The following DBT variants were observed in gnomAD, a reference collection of about 807,000 sequenced individuals.
DBT encodes the protein lipoamide acyltransferase component of branched-chain alpha-keto acid dehydrogenase complex, mitochondrial.
Under a neutral mutation model 51.3 loss-of-function variants are expected in DBT, and 40 were observed. The observed-to-expected ratio is 0.78, with a 90% CI of 0.61 to 1.02. DBT has a LOEUF of 1.02. DBT is among the 50% of genes least tolerant of loss of function. DBT has a pLI of 0.00. For missense variants in DBT, 510 were observed against 580.2 expected (o/e 0.88, Z 1.24); for synonymous variants, 181 against 190.4 (o/e 0.95, Z 0.41).
intron 10 of DBT, among the ~76,000 whole-genome samples, chr1:100,200,792 T>G (rs936965948): frequency 2.6e-5 from 4 of 151,870 alleles, no homozygotes; most frequent in Non-Finnish European, 5.9e-5. Context: ...CCCAGCAAAC[T>G]CCAGCAGACC....
intron 1 of DBT, among the ~76,000 whole-genome samples, chr1:100,246,839 T>C (rs1664568585): frequency 6.6e-6 from 1 of 151,462 alleles, no homozygotes; most frequent in African/African-American, 2.4e-5. Flanking sequence ...GGAAATAGAG[T>C]GTGTTAAGGG....
chr1:100,196,772 G>A (rs1035376536), intron 10 of DBT: 3 of 228,648 alleles, frequency 1.3e-5, no homozygotes, highest in Non-Finnish European at 2.6e-5. Context: ...GGGAGAGACA[G>A]ACAATTAAAT....
chr1:100,192,990 G>C lies in DBT; in HGVS notation c.*3265C>G, dbSNP rs894050029. 4.6e-5 allele frequency: 7 copies of C among 152,342 alleles called. No individual in the cohort carries two copies. Among genetic ancestry groups the C allele is most frequent in the African/African-American group, 1.7e-4 (7 of 41,432 alleles). The allele number at this position is 152,342 out of a possible 1,614,324, so 9.4% of individuals were successfully genotyped here. A position where few individuals can be genotyped will look rare whatever the true frequency, so the allele number is the denominator to read the frequency against. ...AAACACCCATCCCTTGCTTTGTAGA[G>C]CCTCATGGACCAGCACTGCCACTAA... On this transcript the variant is annotated 3_prime_UTR_variant, in exon 11 of 11. Coordinates refer to ENST00000370132, the MANE Select transcript of DBT (RefSeq NM_001918.5).
At chr1:100,213,542 G>A (rs542930109) in intron 7 of DBT, 138 of 1,559,000 alleles carry the variant, frequency 8.9e-5, no homozygotes, top group Middle Eastern at 1.7e-4. Flanking sequence ...CTGCAGGGTC[G>A]GGGGGCTGCA....
intron 1 of DBT, 90 bp from the exon 2 acceptor site, chr1:100,240,974 A>T: frequency 8.0e-7 from 1 of 1,246,678 alleles, no homozygotes; most frequent in Non-Finnish European, 1.2e-6. Context: ...TTCCATTCTA[A>T]AAGTAGAACC....
In DBT at chr1:100,206,653, T is replaced by A. The variant is rs754255984; in HGVS notation, c.1018-17A>T. 1.4e-6 allele frequency: 2 copies of A among 1,475,778 alleles called. No individual in the cohort carries two copies. Among genetic ancestry groups the A allele is most frequent in the South Asian group, 2.3e-5 (2 of 88,284 alleles). The allele number at this position is 1,475,778 out of a possible 1,614,324, so 91.4% of individuals were successfully genotyped here. ...ATGAGAAGCCTAAAAAATAAAAAAT[T>A]GTACAGTAGGGCTTTTAATGAATAA... is the stretch of plus-strand genomic sequence containing the variant. On this transcript the variant is annotated splice_polypyrimidine_tract_variant and intron_variant, in intron 8 of 10. Coordinates refer to ENST00000370132, the MANE Select transcript of DBT (RefSeq NM_001918.5).
In DBT at chr1:100,240,845, C is replaced by G; in HGVS notation, c.91G>C (p.Val31Leu). The change falls in exon 2 of 11, where the codon GTT becomes CTT. Residue 31 changes from valine (V) to leucine (L), a missense_variant. Physicochemically the swap from Val to Leu is conservative, Grantham distance 32. Transcript: ENST00000370132. ...AAACACACATAATTTGGCTTCAAAA[C>G]ATGAACATTACCACATGTTTGAAAA... Reference protein sequence around the residue: ...RYFQTCGNVHVLKPNYVCFFG... With the variant: ...RYFQTCGNVHLLKPNYVCFFG... 3.7e-6 allele frequency: 6 copies of G among 1,612,976 alleles called. No individual in the cohort carries two copies. Among genetic ancestry groups the G allele is most frequent in the Non-Finnish European group, 5.1e-6 (6 of 1,179,130 alleles).
Position 100,230,638 on chromosome 1 carries a change from A to C in DBT, c.433+95T>G, listed in dbSNP as rs894578887. 8 of 799,140 alleles carry C rather than the reference A, an allele frequency of 1.0e-5. No individual in the cohort carries two copies. In the Admixed American group the frequency reaches 1.4e-4, roughly 14 times the overall value. The allele number at this position is 799,140 out of a possible 1,614,324, so 49.5% of individuals were successfully genotyped here. A position where few individuals can be genotyped will look rare whatever the true frequency, so the allele number is the denominator to read the frequency against. On this transcript the variant is annotated intron_variant, in intron 4 of 10. Transcript: ENST00000370132. ...AAAATAAATAGGAATAGAAAAAAAA[A>C]AAACAAAAAAACAAAGATCACTTTT...
Position 100,213,701 on chromosome 1 carries a change from C to G in DBT, c.939+1116G>C, listed in dbSNP as rs984128479. ...ACACCAGGCTCGGCCTTTCCTACAC[C>G]CAGCTCTCTTTTTCTAATGTAAATG... On this transcript the variant is annotated intron_variant, in intron 7 of 10. Coordinates refer to ENST00000370132, the MANE Select transcript of DBT (RefSeq NM_001918.5). The G allele has an allele frequency of 6.9e-6, 11 of 1,594,904 alleles. No homozygotes were observed. In the African/African-American group the frequency reaches 1.4e-4, roughly 20 times the overall value.
chr1:100,234,748 C>A (rs1327481364), intron 3 of DBT, among the ~76,000 whole-genome samples: 1 of 152,086 alleles, frequency 6.6e-6, no homozygotes, highest in East Asian at 1.9e-4. Context: ...AGAGACATAA[C>A]CATAAGGTAT....
intron 2 of DBT, among the ~76,000 whole-genome samples, chr1:100,238,769 TG>T (rs1664048398): frequency 6.6e-6 from 1 of 152,186 alleles, no homozygotes; most frequent in Non-Finnish European, 1.5e-5. Flanking sequence ...AAAAGAGATT[TG>T]TAGAAGACTG....
Position 100,240,805 on chromosome 1 carries a change from G to A in DBT, c.131C>T (p.Ser44Leu). 1 of 1,606,962 alleles carries A rather than the reference G, an allele frequency of 6.2e-7. No individual in the cohort carries two copies. Among genetic ancestry groups the A allele is most frequent in the Non-Finnish European group, 8.5e-7 (1 of 1,173,884 alleles). The change falls in exon 2 of 11, where the codon TCA becomes TTA. Residue 44 changes from serine to leucine, a missense_variant. Physicochemically the swap from Ser to Leu is moderately radical, Grantham distance 145. Transcript: ENST00000370132. Reference sequence around the variant, plus strand: ...GTGATGTGGATGACTATACTTGAATGAAGGATAACCAAAGAAACACACATA... The same window carrying A: ...GTGATGTGGATGACTATACTTGAATAAAGGATAACCAAAGAAACACACATA... ...PNYVCFFGYP[S>L]FKYSHPHHFL...
intron 10 of DBT, chr1:100,196,715 T>C (rs1661130286): frequency 2.4e-6 from 1 of 412,216 alleles, no homozygotes; most frequent in Admixed American, 3.9e-5. Flanking sequence ...TATTTAATAA[T>C]TATTTACTGT....
chr1:100,210,520 T>A (rs1476396870), intron 8 of DBT, 174 bp downstream of exon 8: 1 of 899,428 alleles, frequency 1.1e-6, no homozygotes, highest in African/African-American at 1.7e-5. Flanking sequence ...AACAGTATTA[T>A]TAACACAAAA....
chr1:100,218,941 G>T (rs758741813), intron 4 of DBT, among the ~76,000 whole-genome samples, 194 bp from the exon 5 acceptor site: 9 of 151,396 alleles, frequency 5.9e-5, no homozygotes, highest in Admixed American at 5.3e-4. Flanking sequence ...GTGGGGGGGG[G>T]GGTGTGTGCC....
rs1200375286 is a variant in DBT at position 100,199,150 on chromosome 1, T to A, written c.1282-2728A>T. On this transcript the variant is annotated intron_variant, in intron 10 of 10. Transcript: ENST00000370132. ...CAAGCTCCCGTATGATTCTAACATG[T>A]AGCCAGGGTGAAGAATCACTGCAAC... 7.2e-5 allele frequency among the ~76,000 whole-genome samples: 11 copies of A among 152,100 alleles called. No individual in the cohort carries two copies. In the South Asian group the frequency reaches 1.0e-3, roughly 14 times the overall value.
At chr1:100,241,479 T>C (rs1664207527) in intron 1 of DBT, among the ~76,000 whole-genome samples, 1 of 151,546 alleles carries the variant, frequency 6.6e-6, no homozygotes. Context: ...CACTGAAGCC[T>C]TGACCTTCTA....
chr1:100,225,042 A>AAAT lies in DBT; in HGVS notation c.433+5690_433+5691insATT, dbSNP rs59482100. Among the ~76,000 whole-genome samples, 39 of 45,650 alleles carry AAAT rather than the reference A, an allele frequency of 8.5e-4. 3 individuals are homozygous for AAAT. The highest frequency in any genetic ancestry group is 1.6e-3 in the African/African-American group (24 of 14,896). The allele number at this position is 45,650 out of a possible 152,430, so 29.9% of individuals were successfully genotyped here. A position where few individuals can be genotyped will look rare whatever the true frequency, so the allele number is the denominator to read the frequency against. ...CCCCCCAAAAAAAAAAAAAAAAAAA[A>AAAT]ATATATATATACACACACACACACA... On this transcript the variant is annotated intron_variant, in intron 4 of 10. Coordinates refer to ENST00000370132, the MANE Select transcript of DBT (RefSeq NM_001918.5).
At chr1:100,202,816 C>T (rs1661536628) in intron 10 of DBT, among the ~76,000 whole-genome samples, 1 of 152,196 alleles carries the variant, frequency 6.6e-6, no homozygotes, top group African/African-American at 2.4e-5. Flanking sequence ...AAATAACTTG[C>T]TCTTGAATGA....
Sources: gnomAD v4.1 joint callset for allele counts (sites outside exome capture counted in the v4.1 genomes callset) on GRCh38, gnomAD v4.1.1 for gene constraint, MANE v1.5 for transcripts, NCBI Gene and HGNC (gene_info 2026-07-23, HGNC 2026-07-21) for gene names.